DTNA: variants seen among roughly 807,000 people sequenced by gnomAD.
The protein encoded by DTNA is dystrophin-related protein 3.
A neutral mutation model predicts 100.7 loss-of-function variants in DTNA; 43 were observed. That is an observed-to-expected ratio of 0.43 (90% CI 0.33 to 0.55). The LOEUF (loss-of-function observed/expected upper bound fraction) is 0.55, where lower values mean the gene tolerates loss of function less well. DTNA is among the 20% of genes least tolerant of loss of function. The pLI is 0.04. For missense variants in DTNA, 798 were observed against 953.9 expected, an observed-to-expected ratio of 0.84 and a Z score of 2.15; for synonymous variants, 349 against 347.9, an observed-to-expected ratio of 1.00 and a Z score of -0.04.
chr18:34,630,930 C>T (rs150154100), intron 1 of DTNA, among the ~76,000 whole-genome samples: 1 of 151,862 alleles, frequency 6.6e-6, no homozygotes, highest in East Asian at 1.9e-4. Context: ...ATGAAACTAC[C>T]CAGGGAGAGT....
At chr18:34,795,228 G>C (rs1359264827) in intron 4 of DTNA, among the ~76,000 whole-genome samples, 1 of 152,186 alleles carries the variant, frequency 6.6e-6, no homozygotes, top group Non-Finnish European at 1.5e-5. Context: ...CCCCGCAGTG[G>C]AGATGTTCCA....
At chr18:34,774,063 C>T (rs1380029144) in intron 3 of DTNA, among the ~76,000 whole-genome samples, 1 of 152,222 alleles carries the variant, frequency 6.6e-6, no homozygotes, top group African/African-American at 2.4e-5. Context: ...CTGCATTAGA[C>T]GTGAAAGCTG....
chr18:34,737,359 T>C (rs1436978045), intron 1 of DTNA, among the ~76,000 whole-genome samples: 1 of 152,170 alleles, frequency 6.6e-6, no homozygotes, highest in African/African-American at 2.4e-5. Context: ...CTAAGCGAAA[T>C]AGTAATTATT....
At chr18:34,813,714 A>C (rs558890453) in intron 6 of DTNA, among the ~76,000 whole-genome samples, 1 of 151,946 alleles carries the variant, frequency 6.6e-6, no homozygotes, top group Non-Finnish European at 1.5e-5. Context: ...TTAGCCGGGC[A>C]TGGTGGCAGG....
intron 1 of DTNA, among the ~76,000 whole-genome samples, chr18:34,533,866 C>T (rs544680371): frequency 4.6e-5 from 7 of 152,046 alleles, no homozygotes; most frequent in Non-Finnish European, 1.0e-4. Context: ...TAAACAAGAG[C>T]TTTAGCTTTT....
intron 3 of DTNA, among the ~76,000 whole-genome samples, chr18:34,786,441 G>A (rs1244742685): frequency 6.6e-6 from 1 of 152,128 alleles, no homozygotes; most frequent in Non-Finnish European, 1.5e-5. Context: ...ATCTAGGGAG[G>A]GGAGAACTGA....
upstream of DTNA, among the ~76,000 whole-genome samples, chr18:34,708,861 C>A (rs1051812083): frequency 3.9e-5 from 6 of 152,132 alleles, no homozygotes; most frequent in Non-Finnish European, 8.8e-5. Flanking sequence ...TCATTTAATC[C>A]ATTTCCATTC....
chr18:34,739,894 C>G (rs2090308273), intron 1 of DTNA, among the ~76,000 whole-genome samples: 1 of 152,168 alleles, frequency 6.6e-6, no homozygotes, highest in Admixed American at 6.5e-5. Context: ...TGGTGTGACT[C>G]CATTATTCAC....
At chr18:34,756,744 T>C (rs954974698) in intron 2 of DTNA, among the ~76,000 whole-genome samples, 5 of 152,204 alleles carry the variant, frequency 3.3e-5, no homozygotes, top group Admixed American at 3.3e-4. Context: ...AATTGGTTGG[T>C]AGCATCTCCC....
intron 1 of DTNA, among the ~76,000 whole-genome samples, chr18:34,658,568 G>A (rs1172737976): frequency 6.6e-6 from 1 of 152,166 alleles, no homozygotes; most frequent in East Asian, 1.9e-4. Flanking sequence ...TGCCCAAGCT[G>A]GTCTCAAACT....
intron 17 of DTNA, among the ~76,000 whole-genome samples, chr18:34,870,021 G>A (rs1240407898): frequency 3.3e-5 from 5 of 152,022 alleles, no homozygotes; most frequent in Admixed American, 6.5e-5. Context: ...GCGAGACTCC[G>A]TCTCAAAAAA....
chr18:34,828,211 A>G (rs1467068066), intron 10 of DTNA, among the ~76,000 whole-genome samples: 1 of 152,202 alleles, frequency 6.6e-6, no homozygotes, highest in African/African-American at 2.4e-5. Context: ...GTGGATCTGC[A>G]TCTCATTTCT....
At chr18:34,670,291 C>G (rs1427770820) in intron 1 of DTNA, among the ~76,000 whole-genome samples, 1 of 152,160 alleles carries the variant, frequency 6.6e-6, no homozygotes, top group Non-Finnish European at 1.5e-5. Context: ...TTAAGGACTT[C>G]TCTGCATTGG....
chr18:34,512,237 AT>A (rs951974427), intron 1 of DTNA, among the ~76,000 whole-genome samples: 69 of 150,770 alleles, frequency 4.6e-4, no homozygotes, highest in African/African-American at 1.5e-3. Context: ...TCCCTCAACC[AT>A]TTTTTTTTCT....
At chr18:34,678,534 A>T (rs1158959345) in intron 1 of DTNA, among the ~76,000 whole-genome samples, 1 of 151,992 alleles carries the variant, frequency 6.6e-6, no homozygotes, top group Non-Finnish European at 1.5e-5. Flanking sequence ...CTTTTCCTTC[A>T]TCTTAACATG....
chr18:34,769,630 G>T (rs138338581), intron 3 of DTNA, among the ~76,000 whole-genome samples: 1 of 151,382 alleles, frequency 6.6e-6, no homozygotes, highest in African/African-American at 2.4e-5. Flanking sequence ...GGCACTGCCA[G>T]ATTTGGTATC....
At chr18:34,725,400 GA>G (rs557026859) in intron 1 of DTNA, among the ~76,000 whole-genome samples, 1,702 of 131,946 alleles carry the variant, frequency 0.013, 15 homozygotes, top group Non-Finnish European at 0.018. Context: ...AAATTTACAA[GA>G]AAAAAAAAAA....
Position 34,747,345 on chromosome 18 carries a change from T to A in DTNA, c.-1-8631T>A, listed in dbSNP as rs146093714. 5.1e-3 allele frequency among the ~76,000 whole-genome samples: 776 copies of A among 152,174 alleles called. 7 individuals carry two copies. Among genetic ancestry groups the A allele is most frequent in the African/African-American group, 0.017 (726 of 41,512 alleles). On this transcript the variant is annotated intron_variant, in intron 1 of 22. Coordinates refer to ENST00000444659, the MANE Select transcript of DTNA (RefSeq NM_001386795.1). ...CACTTAGGGTGCTTTTATTTTTTTT[T>A]AATTTTTTATTTCAATAGTTTTGGG... is the stretch of plus-strand genomic sequence containing the variant.
At chr18:34,711,229 C>T (rs1311021520) in intron 1 of DTNA, among the ~76,000 whole-genome samples, 3 of 152,142 alleles carry the variant, frequency 2.0e-5, no homozygotes, top group Non-Finnish European at 4.4e-5. Flanking sequence ...TTACATATCA[C>T]CCTGGCAGCT....
Sources: allele counts gnomAD v4.1 joint callset (sites outside exome capture counted in the v4.1 genomes callset), GRCh38; gene constraint gnomAD v4.1.1; transcripts MANE v1.5; gene names NCBI Gene and HGNC (gene_info 2026-07-23, HGNC 2026-07-21).